Variants in CNOT1 observed in about 807,000 individuals in gnomAD.
CNOT1 encodes the protein CCR4-NOT transcription complex subunit 1.
In CNOT1, 15 loss-of-function variants were observed where a neutral mutation model predicts 273.8. That is an observed-to-expected ratio of 0.05 (90% CI 0.04 to 0.08). The LOEUF (loss-of-function observed/expected upper bound fraction) is 0.08, where lower values mean the gene tolerates loss of function less well. Ranked by LOEUF, CNOT1 falls within the 10% of genes least tolerant of loss-of-function variation. CNOT1 has a pLI of 1.00. For missense variants in CNOT1, 1,644 were observed against 2,912.2 expected (o/e 0.56, Z 10.02); for synonymous variants, 1,022 against 1,005.5 (o/e 1.02, Z -0.31).
rs1037608685 is a variant in CNOT1, at chr16:58,536,722, C to A, written c.5646+267G>T. 7.2e-5 allele frequency among the ~76,000 whole-genome samples: 11 copies of A among 151,914 alleles called. No individual in the cohort carries two copies. The South Asian group carries it at 2.1e-3, about 29-fold the overall frequency. On this transcript the variant is annotated intron_variant, in intron 39 of 48. Coordinates refer to ENST00000317147, the MANE Select transcript of CNOT1 (RefSeq NM_016284.5). ...AAATACATTTGGTAGTTTTATTATT[C>A]ATTATCTGACCCATTGTACTTTGTA...
intron 1 of CNOT1, among the ~76,000 whole-genome samples, chr16:58,603,445 G>A (rs1311195232): frequency 3.3e-5 from 3 of 89,840 alleles, no homozygotes; most frequent in Admixed American, 3.3e-4. Flanking sequence ...GTGTGTGTGT[G>A]TGTGTGTGTG....
At chr16:58,529,179 TA>T (rs2039693388) in intron 43 of CNOT1, among the ~76,000 whole-genome samples, 1 of 152,194 alleles carries the variant, frequency 6.6e-6, no homozygotes, top group Non-Finnish European at 1.5e-5. Context: ...TTTATGCTCA[TA>T]AATCTGACAA....
rs776547768 is a variant in CNOT1, at chr16:58,587,272, T to C, written c.379-17A>G. Reference sequence around the variant, plus strand: ...AAAAATTACCTGAAACAAGAAGGATTAGATTAACCAAAGAGTCAAATGGCT... The same window carrying C: ...AAAAATTACCTGAAACAAGAAGGATCAGATTAACCAAAGAGTCAAATGGCT... On this transcript the variant is annotated splice_polypyrimidine_tract_variant and intron_variant, in intron 5 of 48. Transcript: ENST00000317147. 16 of 1,613,710 alleles carry C rather than the reference T, an allele frequency of 9.9e-6. No individual in the cohort carries two copies. The highest frequency in any genetic ancestry group is 1.7e-5 in the Admixed American group (1 of 59,942).
chr16:58,554,880 G>T (rs1469984191), intron 21 of CNOT1, among the ~76,000 whole-genome samples: 1 of 134,688 alleles, frequency 7.4e-6, no homozygotes, highest in African/African-American at 2.9e-5. Context: ...AAGGTGCAGT[G>T]GGCCCAGATT....
intron 7 of CNOT1, among the ~76,000 whole-genome samples, 189 bp from the exon 8 acceptor site, chr16:58,585,695 T>C (rs1435216803): frequency 1.3e-5 from 2 of 152,204 alleles, no homozygotes; most frequent in African/African-American, 4.8e-5. Flanking sequence ...AATACTTTTA[T>C]ATCACAAAAA....
At chr16:58,549,971 T>C (rs2040397828) in intron 24 of CNOT1, 73 bp from the exon 25 acceptor site, 3 of 1,597,622 alleles carry the variant, frequency 1.9e-6, no homozygotes, top group Admixed American at 1.8e-5. Flanking sequence ...CTATGAACCA[T>C]ACTATACAGC....
At chr16:58,592,367 C>T (rs897794747) in intron 2 of CNOT1, among the ~76,000 whole-genome samples, 11 of 152,058 alleles carry the variant, frequency 7.2e-5, no homozygotes, top group South Asian at 6.2e-4. Context: ...CCTATTAACA[C>T]GGTATTAAAA....
At chr16:58,539,557 C>G (rs1219223708) in intron 35 of CNOT1, among the ~76,000 whole-genome samples, 1 of 150,672 alleles carries the variant, frequency 6.6e-6, no homozygotes, top group Non-Finnish European at 1.5e-5. Context: ...TCCAGAATAT[C>G]TTTAAGAAAA....
rs772067149 is a variant in CNOT1, at chr16:58,575,133, A to G, written c.1705-4T>C. 37 of 1,612,866 alleles carry G rather than the reference A, an allele frequency of 2.3e-5. No homozygotes were observed. Among genetic ancestry groups the G allele is most frequent in the Non-Finnish European group, 3.1e-5 (37 of 1,179,764 alleles). ...CATTTAGCAGCATTGACAAGGCCTA[A>G]AGGACAAAGCACATTAGATAATGCA... On this transcript the variant is annotated splice_polypyrimidine_tract_variant and splice_region_variant and intron_variant, in intron 14 of 48. Transcript: ENST00000317147.
chr16:58,521,325 AAG>A lies in CNOT1; in HGVS notation c.6918-10_6918-9del. ...AACCGTTCCAAGAGAACTCTGGAAA[AAG>A]GGAGAAAGAGCTAGTTAATGTATAG... On this transcript the variant is annotated splice_polypyrimidine_tract_variant and intron_variant, in intron 47 of 48. Coordinates refer to ENST00000317147, the MANE Select transcript of CNOT1 (RefSeq NM_016284.5). 6.3e-7 allele frequency: 1 copy of A among 1,595,330 alleles called. No homozygotes were observed. Among genetic ancestry groups the A allele is most frequent in the Admixed American group, 1.9e-5 (1 of 54,038 alleles).
chr16:58,542,522 T>C lies in CNOT1; in HGVS notation c.4481A>G (p.Gln1494Arg). 6.5e-7 allele frequency: 1 copy of C among 1,534,062 alleles called. No individual in the cohort carries two copies. Among genetic ancestry groups the C allele is most frequent in the Non-Finnish European group, 8.8e-7 (1 of 1,139,924 alleles). ...QREMMDQAAAQLAQDNCELAC... is the reference protein window; with the variant it reads ...QREMMDQAAARLAQDNCELAC... ...CAACTCACAATTGTCCTGAGCTAAT[T>C]GAGCAGCTGCCTGATCCATCATTTC... is the stretch of plus-strand genomic sequence containing the variant. The change falls in exon 32 of 49, where the codon CAA (glutamine) becomes CGA (arginine). Residue 1494 changes from glutamine (Q) to arginine (R), a missense_variant. Around this residue, in one of 13 missense-constraint regions of CNOT1, gnomAD observed 133 missense variants for 230.4 expected, o/e 0.58. Coordinates refer to ENST00000317147, the MANE Select transcript of CNOT1 (RefSeq NM_016284.5).
At position 58,586,622 on chromosome 16, in the gene CNOT1, T is replaced by C; in HGVS notation, c.560A>G (p.His187Arg). ...AIEVLHLLLS[H>R]LLFGQKGAFG... ...GGCTCCCTTCTGCCCAAAGAGGAGATGGGAGAGGAGGAGGTGTAGGACCTC... is the reference window on the plus strand; with the variant it reads ...GGCTCCCTTCTGCCCAAAGAGGAGACGGGAGAGGAGGAGGTGTAGGACCTC... The change falls in exon 7 of 49, where the codon CAT (histidine) becomes CGT (arginine). Residue 187 changes from histidine (H) to arginine (R), a missense_variant. His to Arg is a conservative substitution (Grantham distance 29). Around this residue, in one of 13 missense-constraint regions of CNOT1, gnomAD observed 706 missense variants for 1,021.2 expected, o/e 0.69. Coordinates refer to ENST00000317147, the MANE Select transcript of CNOT1 (RefSeq NM_016284.5). The C allele has an allele frequency of 1.2e-6, 2 of 1,612,392 alleles. No homozygotes were observed. The highest frequency in any genetic ancestry group is 1.1e-5 in the South Asian group (1 of 91,010).
chr16:58,574,863 C>T (rs986836289), intron 15 of CNOT1, 103 bp from the exon 16 acceptor site: 1 of 1,561,142 alleles, frequency 6.4e-7, no homozygotes, highest in African/African-American at 1.4e-5. Context: ...AAATAAGTAA[C>T]ATCTTCATTG....
intron 39 of CNOT1, 85 bp downstream of exon 39, chr16:58,536,904 T>C (rs1383296123): frequency 7.8e-6 from 12 of 1,539,154 alleles, no homozygotes; most frequent in East Asian, 4.5e-5. Context: ...TCTGACCACA[T>C]GTACGCAATA....
chr16:58,539,204 T>G (rs564723717), intron 35 of CNOT1, among the ~76,000 whole-genome samples: 10 of 152,020 alleles, frequency 6.6e-5, no homozygotes. Flanking sequence ...CCTCAAAATC[T>G]AAAGGGCAGC....
At chr16:58,607,814 C>A (rs572598756) in intron 1 of CNOT1, among the ~76,000 whole-genome samples, 76 of 151,034 alleles carry the variant, frequency 5.0e-4, no homozygotes, top group African/African-American at 1.6e-3. Context: ...CAAAAATTCA[C>A]TGATTACATC....
chr16:58,590,051 T>C (rs975480948), intron 2 of CNOT1, among the ~76,000 whole-genome samples: 2 of 152,242 alleles, frequency 1.3e-5, no homozygotes, highest in Non-Finnish European at 2.9e-5. Flanking sequence ...AAATTTTGTA[T>C]AGCTGTGTTC....
chr16:58,527,894 T>A (rs1415312120), intron 44 of CNOT1: 1 of 241,950 alleles, frequency 4.1e-6, no homozygotes, highest in Non-Finnish European at 8.3e-6. Flanking sequence ...AGCAGGCAGA[T>A]TACTTGAGGT....
chr16:58,523,924 A>T (rs1379083528), intron 46 of CNOT1: 2 of 155,116 alleles, frequency 1.3e-5, no homozygotes, highest in African/African-American at 4.8e-5. Flanking sequence ...GACAGAATAG[A>T]CCCAAAAATG....
Sources: allele counts gnomAD v4.1 joint callset (sites outside exome capture counted in the v4.1 genomes callset), GRCh38; gene constraint gnomAD v4.1.1; regional missense constraint gnomAD v4.1.1; transcripts MANE v1.5; gene names NCBI Gene and HGNC (gene_info 2026-07-23, HGNC 2026-07-21).